The following HPX variants were observed in gnomAD, a reference collection of about 807,000 sequenced individuals.
HPX encodes the protein hemopexin.
A neutral mutation model predicts 53.8 loss-of-function variants in HPX; 42 were observed. The observed-to-expected ratio is 0.78, with a 90% CI of 0.61 to 1.01. The LOEUF (loss-of-function observed/expected upper bound fraction) is 1.01. Among genes scored for constraint, HPX ranks in the 50% least tolerant of loss-of-function variants. The probability of loss-of-function intolerance (pLI) is 0.00; values close to 1 mark genes in which losing one functional copy is unlikely to be tolerated. For missense variants in HPX, 547 were observed against 594.3 expected, an observed-to-expected ratio of 0.92 and a Z score of 0.83; for synonymous variants, 229 against 221.1, an observed-to-expected ratio of 1.04 and a Z score of -0.32.
intron 7 of HPX, among the ~76,000 whole-genome samples, chr11:6,433,151 C>CT (rs1371526336): frequency 1.3e-5 from 2 of 152,184 alleles, no homozygotes; most frequent in African/African-American, 4.8e-5. Flanking sequence ...CCTCTTTTCC[C>CT]TTCCCTACTC....
chr11:6,431,820 G>A lies in HPX; in HGVS notation c.967-17C>T, dbSNP rs1424580358. The A allele has an allele frequency of 6.2e-7, 1 of 1,613,946 alleles. No homozygotes were observed. The highest frequency in any genetic ancestry group is 1.7e-5 in the Admixed American group (1 of 60,030). On this transcript the variant is annotated splice_polypyrimidine_tract_variant and intron_variant, in intron 8 of 9. Transcript: ENST00000265983. Reference sequence around the variant, plus strand: ...CTGGGTGCCCTGGAGGACAAAGGATGGTAATAAATACAGAGTTGGATATGC... The same window carrying A: ...CTGGGTGCCCTGGAGGACAAAGGATAGTAATAAATACAGAGTTGGATATGC...
Position 6,431,938 on chromosome 11 carries a change from A to T in HPX, c.915T>A (p.Pro305=). Residue 305 remains proline, a synonymous_variant, in exon 8 of 10, where the codon CCT becomes CCA. Transcript: ENST00000265983. ...AGGAAAAGGCAGCATCCACTGCTGA[A>T]GGACCCTGGGGCCACTGATGAGCAA... ...WPIAHQWPQG[P]SAVDAAFSWE... 6.2e-7 allele frequency: 1 copy of T among 1,614,218 alleles called. No individual in the cohort carries two copies. The highest frequency in any genetic ancestry group is 2.2e-5 in the East Asian group (1 of 44,884).
At position 6,438,353 on chromosome 11, in the gene HPX, G is replaced by A. The variant is rs1358633104; in HGVS notation, c.490+3C>T. 6.2e-7 allele frequency: 1 copy of A among 1,613,998 alleles called. No individual in the cohort carries two copies. The highest frequency in any genetic ancestry group is 1.1e-5 in the South Asian group (1 of 91,058). On this transcript the variant is annotated splice_donor_region_variant and intron_variant, in intron 5 of 9. Transcript: ENST00000265983. ...AGGTTCTTGGATTCCAGCCTGGACT[G>A]ACCTTGGAAGAAGAGGACGCCTTCA...
intron 4 of HPX, among the ~76,000 whole-genome samples, chr11:6,439,226 T>C (rs536401582): frequency 2.6e-5 from 4 of 152,124 alleles, no homozygotes; most frequent in African/African-American, 9.7e-5. Flanking sequence ...TCCAACCTCA[T>C]GTAGATTCGT....
intron 4 of HPX, chr11:6,439,952 C>A: frequency 1.6e-6 from 1 of 629,876 alleles, no homozygotes; most frequent in Non-Finnish European, 2.9e-6. Flanking sequence ...AGAACTAAGA[C>A]TAGGACTGAA....
At chr11:6,434,482 A>G (rs1402075538) in intron 7 of HPX, among the ~76,000 whole-genome samples, 1 of 152,066 alleles carries the variant, frequency 6.6e-6, no homozygotes, top group Non-Finnish European at 1.5e-5. Context: ...GGTGCATGCC[A>G]CCACACCTGG....
At chr11:6,440,312 G>T (rs915769312) in intron 3 of HPX, 26 bp from the exon 4 acceptor site, 3 of 1,613,046 alleles carry the variant, frequency 1.9e-6, no homozygotes, top group Non-Finnish European at 2.5e-6. Context: ...CTCACTGAGG[G>T]GCCCAGTGAG....
At chr11:6,437,287 G>T in intron 6 of HPX, 110 bp from the exon 7 acceptor site, 4 of 1,413,722 alleles carry the variant, frequency 2.8e-6, no homozygotes, top group Non-Finnish European at 2.9e-6. Flanking sequence ...CCCCATATGA[G>T]GGCAATGGGA....
chr11:6,433,052 C>A (rs1431989938), intron 7 of HPX, among the ~76,000 whole-genome samples: 1 of 152,342 alleles, frequency 6.6e-6, no homozygotes, highest in East Asian at 1.9e-4. Context: ...CCCACCAACA[C>A]ACACACTCCC....
At chr11:6,432,105 GA>G in intron 7 of HPX, 88 bp from the exon 8 acceptor site, 1 of 1,477,668 alleles carries the variant, frequency 6.8e-7, no homozygotes, top group East Asian at 2.3e-5. Context: ...TGAGTCATGA[GA>G]GGGAGAGAAT....
intron 8 of HPX, 33 bp from the exon 9 acceptor site, chr11:6,431,836 T>G (rs1242605404): frequency 6.2e-7 from 1 of 1,613,808 alleles, no homozygotes; most frequent in Non-Finnish European, 8.5e-7. Context: ...AAATACAGAG[T>G]TGGATATGCT....
chr11:6,432,194 G>A (rs1012451687), intron 7 of HPX, 177 bp from the exon 8 acceptor site: 2 of 672,922 alleles, frequency 3.0e-6, no homozygotes, highest in Admixed American at 2.9e-5. Context: ...GTTGGGCACT[G>A]TGCCCTGGCT....
rs768455338 is a variant in HPX, at chr11:6,440,107, G to T, written c.336+58C>A. 10 of 1,610,230 alleles carry T rather than the reference G, an allele frequency of 6.2e-6. No individual in the cohort carries two copies. In the East Asian group the frequency reaches 2.0e-4, roughly 32 times the overall value. On this transcript the variant is annotated intron_variant, in intron 4 of 9. Transcript: ENST00000265983. Reference sequence around the variant, plus strand: ...CATGCCAAGGCCATTTGGGGGAAGGGTCCCCAGTGTCGATTCCAGCCCTTT... The same window carrying T: ...CATGCCAAGGCCATTTGGGGGAAGGTTCCCCAGTGTCGATTCCAGCCCTTT...
chr11:6,435,581 G>A (rs1849406213), intron 7 of HPX, among the ~76,000 whole-genome samples: 2 of 151,928 alleles, frequency 1.3e-5, no homozygotes, highest in Non-Finnish European at 2.9e-5. Flanking sequence ...GAAGTAGATG[G>A]GACTATAGGA....
chr11:6,438,437 G>C lies in HPX; in HGVS notation c.409C>G (p.Pro137Ala). Residue 137 changes from proline to alanine, a missense_variant, in exon 5 of 10, where the codon CCT becomes GCT. Coordinates refer to ENST00000265983, the MANE Select transcript of HPX (RefSeq NM_000613.3). ...GCATCCAGTGGGGATGGGATTCCAG[G>C]AAATTCATCTTGGAGCAACTTTGGG... The part of the protein sequence containing the change: ...GYPKLLQDEF[P>A]GIPSPLDAAV... The C allele has an allele frequency of 6.2e-7, 1 of 1,614,048 alleles. No individual in the cohort carries two copies. The highest frequency in any genetic ancestry group is 8.5e-7 in the Non-Finnish European group (1 of 1,179,928).
In HPX at chr11:6,437,074, G is replaced by T; in HGVS notation, c.807C>A (p.Asp269Glu). 2 of 1,614,202 alleles carry T rather than the reference G, an allele frequency of 1.2e-6. No homozygotes were observed. The highest frequency in any genetic ancestry group is 1.7e-6 in the Non-Finnish European group (2 of 1,180,030). The change falls in exon 7 of 10, where the codon GAC (aspartate) becomes GAA (glutamate). Residue 269 changes from aspartate to glutamate, a missense_variant. Asp to Glu is a conservative substitution (Grantham distance 45, BLOSUM62 2). Transcript: ENST00000265983. ...TGAAGGCATAGGTGGCACCATGGTT[G>T]TCAGACGTCAGTGCAGACAAGACTA... ...PHLVLSALTS[D>E]NHGATYAFSG...
At chr11:6,432,474 C>T (rs1441057172) in intron 7 of HPX, among the ~76,000 whole-genome samples, 4 of 152,180 alleles carry the variant, frequency 2.6e-5, no homozygotes, top group East Asian at 1.9e-4. Context: ...GCTAGCACCC[C>T]GTTTTTCTTC....
chr11:6,437,554 G>A lies in HPX; in HGVS notation c.589C>T (p.Arg197Cys), dbSNP rs769989807. ...NCSSALRWLGRYYCFQGNQFL... is the reference protein window; with the variant it reads ...NCSSALRWLGCYYCFQGNQFL... Reference sequence around the variant, plus strand: ...TGGTTACCCTGGAAGCAGTAGTAGCGGCCCAGCCATCTCAGGGCAGAGGAG... The same window carrying A: ...TGGTTACCCTGGAAGCAGTAGTAGCAGCCCAGCCATCTCAGGGCAGAGGAG... The change falls in exon 6 of 10, where the codon CGC becomes TGC. Residue 197 changes from arginine to cysteine, a missense_variant. Coordinates refer to ENST00000265983, the MANE Select transcript of HPX (RefSeq NM_000613.3). 39 of 1,614,008 alleles carry A rather than the reference G, an allele frequency of 2.4e-5. No homozygotes were observed. The highest frequency in any genetic ancestry group is 8.8e-5 in the South Asian group (8 of 91,082).
chr11:6,431,904 T>C lies in HPX; in HGVS notation c.949A>G (p.Lys317Glu), dbSNP rs756730036. ...AVDAAFSWEE[K>E]LYLVQGTQVY... Reference sequence around the variant, plus strand: ...ATACACACCTGGACCAGATAGAGTTTTTCTTCCCAGGAAAAGGCAGCATCC... The same window carrying C: ...ATACACACCTGGACCAGATAGAGTTCTTCTTCCCAGGAAAAGGCAGCATCC... Residue 317 changes from lysine to glutamate, a missense_variant, in exon 8 of 10, where the codon AAA becomes GAA. Physicochemically the swap from Lys to Glu is moderately conservative, Grantham distance 56. Transcript: ENST00000265983. 5.0e-6 allele frequency: 8 copies of C among 1,614,146 alleles called. No homozygotes were observed. The East Asian group carries it at 1.3e-4, about 27-fold the overall frequency.
Sources: gnomAD v4.1 joint callset for allele counts (sites outside exome capture counted in the v4.1 genomes callset) on GRCh38, gnomAD v4.1.1 for gene constraint, MANE v1.5 for transcripts, NCBI Gene and HGNC (gene_info 2026-07-23, HGNC 2026-07-21) for gene names.